Variants in DCHS2 observed in about 807,000 individuals in gnomAD.
The protein encoded by DCHS2 is protocadherin-23.
In DCHS2, 142 loss-of-function variants were observed where a neutral mutation model predicts 182.4. The observed-to-expected ratio is 0.78, with a 90% CI of 0.68 to 0.89. The LOEUF is 0.89. Among genes scored for constraint, DCHS2 ranks in the 40% least tolerant of loss-of-function variants. The probability of loss-of-function intolerance (pLI) is 0.00; values close to 1 mark genes in which losing one functional copy is unlikely to be tolerated. For missense variants in DCHS2, 4,319 were observed against 4,198.6 expected (o/e 1.03, Z -0.79); for synonymous variants, 1,740 against 1,663.3 (o/e 1.05, Z -1.12).
chr4:154,420,468 A>G (rs1464184295), intron 1 of DCHS2, among the ~76,000 whole-genome samples: 1 of 152,106 alleles, frequency 6.6e-6, no homozygotes. Flanking sequence ...CCTGAGAACC[A>G]GAGAAGACAA....
Position 154,444,555 on chromosome 4 carries a change from C to T in DCHS2, c.2052+44749G>A, listed in dbSNP as rs145066722. 2.2e-3 allele frequency among the ~76,000 whole-genome samples: 332 copies of T among 152,288 alleles called. 4 individuals are homozygous for T. Among genetic ancestry groups the T allele is most frequent in the African/African-American group, 7.7e-3 (321 of 41,554 alleles). On this transcript the variant is annotated intron_variant, in intron 1 of 19. Coordinates refer to ENST00000357232, the MANE Select transcript of DCHS2 (RefSeq NM_001358235.2). ...TCCACTTCTACCACCCTGGGCTGAGCCAGCACCACCTTGCACCTGCATTAC... is the reference window on the plus strand; with the variant it reads ...TCCACTTCTACCACCCTGGGCTGAGTCAGCACCACCTTGCACCTGCATTAC...
At chr4:154,323,796 A>G (rs1736174199) in intron 7 of DCHS2, among the ~76,000 whole-genome samples, 1 of 152,110 alleles carries the variant, frequency 6.6e-6, no homozygotes. Context: ...AATGAATTTC[A>G]TGTTTAGACT....
chr4:154,464,919 G>A (rs888682150), intron 1 of DCHS2, among the ~76,000 whole-genome samples: 3 of 152,138 alleles, frequency 2.0e-5, no homozygotes, highest in African/African-American at 7.2e-5. Context: ...CAATATTTGA[G>A]ACTGGAAAAG....
At chr4:154,353,454 C>A (rs956661215) in intron 3 of DCHS2, among the ~76,000 whole-genome samples, 1 of 152,072 alleles carries the variant, frequency 6.6e-6, no homozygotes, top group Non-Finnish European at 1.5e-5. Flanking sequence ...ATAAATCCAA[C>A]CATATGTTGT....
chr4:154,371,601 T>A (rs988824826), intron 2 of DCHS2, among the ~76,000 whole-genome samples: 4 of 152,114 alleles, frequency 2.6e-5, no homozygotes, highest in African/African-American at 9.7e-5. Flanking sequence ...AACCTGAGAC[T>A]GATTAATTTA....
rs191974873 is a variant in DCHS2 at position 154,444,929 on chromosome 4, G to A, written c.2052+44375C>T. ...CAGGCTACCACCTCAGAGTGTTTGC[G>A]CTTTACTTGCTGTCTTTTCTACCTA... On this transcript the variant is annotated intron_variant, in intron 1 of 19. Transcript: ENST00000357232. Among the ~76,000 whole-genome samples the A allele has an allele frequency of 7.2e-5, 11 of 152,250 alleles. 1 individual carries two copies. The highest frequency in any genetic ancestry group is 1.3e-4 in the Admixed American group (2 of 15,292).
At chr4:154,321,885 A>G (rs1389894763) in intron 8 of DCHS2, among the ~76,000 whole-genome samples, 1 of 152,136 alleles carries the variant, frequency 6.6e-6, no homozygotes, top group African/African-American at 2.4e-5. Context: ...GCCCATTATG[A>G]TTAAAGTAAA....
rs186107802 is a variant in DCHS2, at chr4:154,487,388, C to T, written c.2052+1916G>A. 4.3e-3 allele frequency among the ~76,000 whole-genome samples: 650 copies of T among 152,264 alleles called. 5 individuals carry two copies. Among genetic ancestry groups the T allele is most frequent in the Non-Finnish European group, 6.6e-3 (452 of 68,024 alleles). On this transcript the variant is annotated intron_variant, in intron 1 of 19. Coordinates refer to ENST00000357232, the MANE Select transcript of DCHS2 (RefSeq NM_001358235.2). ...CACTCTCAGGCCTGGCTCTCTCAGA[C>T]GGAGGAGAAACAGCCAAGTTGCTTC...
intron 13 of DCHS2, among the ~76,000 whole-genome samples, chr4:154,295,935 A>G (rs1396772170): frequency 6.6e-6 from 1 of 152,216 alleles, no homozygotes; most frequent in Non-Finnish European, 1.5e-5. Context: ...TCAAGATCTA[A>G]TTTATGTATT....
chr4:154,385,963 T>C (rs1211922386), intron 1 of DCHS2, among the ~76,000 whole-genome samples: 1 of 152,076 alleles, frequency 6.6e-6, no homozygotes, highest in African/African-American at 2.4e-5. Flanking sequence ...CATCCTCCTA[T>C]GCCAACTCAC....
In DCHS2 at chr4:154,490,655, G is replaced by C; in HGVS notation, c.701C>G (p.Pro234Arg). The C allele has an allele frequency of 6.4e-7, 1 of 1,551,414 alleles. No individual in the cohort carries two copies. Among genetic ancestry groups the C allele is most frequent in the South Asian group, 1.2e-5 (1 of 84,052 alleles). ...GGGTGACGAGGAGCCTGGCAAAAGC[G>C]GTGACGGTAGTGGCCCCGGAGTCCG... ...RYRTPGPLPSPLLPGSSSPLE... is the reference protein window; with the variant it reads ...RYRTPGPLPSRLLPGSSSPLE... The change falls in exon 1 of 20, where the codon CCG becomes CGG. Residue 234 changes from proline to arginine, a missense_variant. Pro to Arg is a moderately radical substitution (Grantham distance 103, BLOSUM62 -2). Coordinates refer to ENST00000357232, the MANE Select transcript of DCHS2 (RefSeq NM_001358235.2).
intron 6 of DCHS2, among the ~76,000 whole-genome samples, chr4:154,328,452 T>C (rs1736385391): frequency 6.6e-6 from 1 of 152,178 alleles, no homozygotes; most frequent in Admixed American, 6.5e-5. Flanking sequence ...GAAAAAGAAA[T>C]TGAACTTGCT....
intron 1 of DCHS2, among the ~76,000 whole-genome samples, chr4:154,424,157 CA>C (rs1733226751): frequency 6.6e-6 from 1 of 151,478 alleles, no homozygotes; most frequent in Non-Finnish European, 1.5e-5. Context: ...GCACAAACAA[CA>C]AAAAAATAGG....
chr4:154,395,026 G>A (rs186889128), intron 1 of DCHS2, among the ~76,000 whole-genome samples: 109 of 152,202 alleles, frequency 7.2e-4, no homozygotes, highest in African/African-American at 2.6e-3. Context: ...AGGACAAAAG[G>A]CGTGAGACTG....
intron 2 of DCHS2, chr4:154,373,810 G>A (rs1040553742): frequency 7.2e-6 from 6 of 828,264 alleles, no homozygotes; most frequent in Non-Finnish European, 1.2e-5. Context: ...AGCCAAGATG[G>A]AGAAGGTGTG....
intron 13 of DCHS2, among the ~76,000 whole-genome samples, chr4:154,284,932 C>A (rs2111244677): frequency 6.6e-6 from 1 of 152,244 alleles, no homozygotes; most frequent in East Asian, 1.9e-4. Flanking sequence ...CCTCCCCTAA[C>A]CCCAGGCAGC....
intron 14 of DCHS2, chr4:154,269,509 C>T: frequency 5.9e-6 from 1 of 170,222 alleles, no homozygotes; most frequent in South Asian, 1.6e-4. Flanking sequence ...TGTTGACATT[C>T]AGTAGCAAAT....
rs1202050640 is a variant in DCHS2 at position 154,490,889 on chromosome 4, C to T, written c.467G>A (p.Arg156His). 6.4e-7 allele frequency: 1 copy of T among 1,551,402 alleles called. No individual in the cohort carries two copies. ...LLGAVVQVEI[R>H]VNDVNDHSPR... ...CGAGTGGTCATTCACGTCGTTGACG[C>T]GAATCTCCACCTGCACCACAGCGCC... Residue 156 changes from arginine (R) to histidine (H), a missense_variant, in exon 1 of 20, where the codon CGC becomes CAC. Coordinates refer to ENST00000357232, the MANE Select transcript of DCHS2 (RefSeq NM_001358235.2).
chr4:154,414,469 AT>A (rs1203734450), intron 1 of DCHS2, among the ~76,000 whole-genome samples: 2 of 149,702 alleles, frequency 1.3e-5, no homozygotes, highest in Non-Finnish European at 3.0e-5. Context: ...AAGACAAAAA[AT>A]ATCTCCATAC....
Sources: allele counts gnomAD v4.1 joint callset (sites outside exome capture counted in the v4.1 genomes callset), GRCh38; gene constraint gnomAD v4.1.1; transcripts MANE v1.5; gene names NCBI Gene and HGNC (gene_info 2026-07-23, HGNC 2026-07-21).